KIFC3: variants seen among roughly 807,000 people sequenced by gnomAD.
The protein encoded by KIFC3 is kinesin-like protein KIFC3.
KIFC3 carries 60 observed loss-of-function variants against 101.8 expected under a neutral mutation model. The ratio of observed to expected loss-of-function variants is 0.59; its 90% CI spans 0.48 to 0.73. KIFC3 has a LOEUF of 0.73. KIFC3 is among the 30% of genes least tolerant of loss of function. The probability of loss-of-function intolerance (pLI) is 0.00; values close to 1 mark genes in which losing one functional copy is unlikely to be tolerated. For synonymous variants in KIFC3, 476 were observed against 482.7 expected (o/e 0.99, Z 0.18); for missense variants, 966 against 1,137.1 (o/e 0.85, Z 2.16).
chr16:57,818,032 T>C (rs2055269482), intron 1 of KIFC3, among the ~76,000 whole-genome samples: 2 of 152,012 alleles, frequency 1.3e-5, no homozygotes. Flanking sequence ...TTTTTTTTGT[T>C]CTTTTCTATG....
chr16:57,847,307 AG>A (rs1173543090), intron 1 of KIFC3, among the ~76,000 whole-genome samples: 1 of 12,834 alleles, frequency 7.8e-5, no homozygotes, highest in Non-Finnish European at 1.6e-4. Flanking sequence ...GGAGGGAGGG[AG>A]GGAGGGAGAG....
chr16:57,773,154 T>G (rs2965787), intron 3 of KIFC3, among the ~76,000 whole-genome samples: 146,796 of 152,336 alleles, frequency 0.96, 70,963 homozygotes, highest in African/African-American at 0.99. Context: ...GCATGTTTAG[T>G]ACTTTTCTTG....
At chr16:57,798,352 A>C in intron 1 of KIFC3, 70 bp from the exon 2 acceptor site, 2 of 1,396,030 alleles carry the variant, frequency 1.4e-6, no homozygotes, top group Non-Finnish European at 2.0e-6. Flanking sequence ...GGGCAGAGCC[A>C]GCCATCTGGA....
intron 3 of KIFC3, chr16:57,773,778 G>A (rs1555610248): frequency 1.3e-5 from 2 of 152,204 alleles, no homozygotes; most frequent in African/African-American, 4.8e-5. Flanking sequence ...TACTTTACAT[G>A]GTTGAGATGT....
At chr16:57,785,402 A>G (rs782211223) in intron 3 of KIFC3, 46 of 1,057,270 alleles carry the variant, frequency 4.4e-5, no homozygotes, top group Non-Finnish European at 5.1e-5. Flanking sequence ...TGCCCAGGTG[A>G]TGTCCTCTGA....
chr16:57,851,992 C>T (rs1302807241), intron 1 of KIFC3, among the ~76,000 whole-genome samples: 5 of 152,130 alleles, frequency 3.3e-5, no homozygotes, highest in African/African-American at 1.2e-4. Flanking sequence ...CCTCTCTCCT[C>T]GGCCTCCCAA....
chr16:57,807,875 A>G (rs533970705), upstream of KIFC3: 4 of 145,288 alleles, frequency 2.8e-5, no homozygotes, highest in African/African-American at 1.0e-4. Flanking sequence ...GGCTGCAGTA[A>G]GCTATGATCG....
At chr16:57,812,363 A>AG (rs1555627944) in intron 1 of KIFC3, among the ~76,000 whole-genome samples, 1 of 150,926 alleles carries the variant, frequency 6.6e-6, no homozygotes, top group Non-Finnish European at 1.5e-5. Context: ...AAAAAAAAAA[A>AG]AAAAGAGGTC....
chr16:57,802,152 G>A lies in KIFC3; in HGVS notation c.-40+218C>T, dbSNP rs1366897639. Among the ~76,000 whole-genome samples the A allele has an allele frequency of 2.0e-5, 3 of 152,242 alleles. No individual in the cohort carries two copies. Among genetic ancestry groups the A allele is most frequent in the Admixed American group, 6.5e-5 (1 of 15,292 alleles). On this transcript the variant is annotated intron_variant, in intron 1 of 19. Transcript: ENST00000445690. The surrounding 1 kb of genome is among the most constrained non-coding windows in gnomAD (Gnocchi z 5.0). ...GGATCCCGTGGGACACGCCGCCCCTGTGCCCAGCTCCCAGCAAGGTCCTCG... is the reference window on the plus strand; with the variant it reads ...GGATCCCGTGGGACACGCCGCCCCTATGCCCAGCTCCCAGCAAGGTCCTCG...
intron 1 of KIFC3, among the ~76,000 whole-genome samples, chr16:57,846,022 A>G (rs1254838850): frequency 2.6e-5 from 4 of 152,162 alleles, no homozygotes; most frequent in Non-Finnish European, 4.4e-5. Context: ...GAGGAAATGC[A>G]TTTGACTTCC....
chr16:57,858,461 T>C (rs1402693217), intron 1 of KIFC3, among the ~76,000 whole-genome samples: 2 of 152,174 alleles, frequency 1.3e-5, no homozygotes, highest in Non-Finnish European at 2.9e-5. Flanking sequence ...ATATCCAATA[T>C]AAGGTCCGTG....
intron 1 of KIFC3, among the ~76,000 whole-genome samples, chr16:57,812,149 T>G (rs1407784710): frequency 6.6e-6 from 1 of 150,914 alleles, no homozygotes; most frequent in Non-Finnish European, 1.5e-5. Flanking sequence ...TTCACGCCAT[T>G]CTCCTGCCTC....
chr16:57,802,884 A>T (rs1555626053), upstream of KIFC3: 1 of 1,281,244 alleles, frequency 7.8e-7, no homozygotes, highest in Non-Finnish European at 1.1e-6. The surrounding 1 kb of genome is among the most constrained non-coding windows in gnomAD (Gnocchi z 5.0). Context: ...GCGAGTACTC[A>T]CACATACACT....
At chr16:57,814,679 G>T (rs557826758) in intron 1 of KIFC3, among the ~76,000 whole-genome samples, 1 of 151,842 alleles carries the variant, frequency 6.6e-6, no homozygotes, top group African/African-American at 2.4e-5. Flanking sequence ...AGGCTGGAGT[G>T]CAGTGGTGCG....
At chr16:57,861,363 C>A (rs962109846) in intron 1 of KIFC3, among the ~76,000 whole-genome samples, 5 of 152,200 alleles carry the variant, frequency 3.3e-5, no homozygotes, top group African/African-American at 4.8e-5. Context: ...TGGCTTTACC[C>A]AGCCTTTATT....
chr16:57,774,798 A>T, intron 3 of KIFC3: 1 of 1,089,084 alleles, frequency 9.2e-7, no homozygotes, highest in Non-Finnish European at 1.2e-6. Flanking sequence ...AAGTGCTGGG[A>T]TTACCGTTGT....
chr16:57,770,474 G>T, intron 7 of KIFC3, 53 bp downstream of exon 7: 1 of 1,353,148 alleles, frequency 7.4e-7, no homozygotes, highest in South Asian at 1.8e-5. Flanking sequence ...ATTGGCCCAA[G>T]GGCCTGCCTC....
rs2049751438 is a variant in KIFC3, at chr16:57,760,774, C to T, written c.2184G>A (p.Leu728=). The T allele has an allele frequency of 6.2e-7, 1 of 1,613,878 alleles. No individual in the cohort carries two copies. ...VPFRNSKLTY[L]LQDSLSGDSK... is the part of the protein sequence containing the mutation. Reference sequence around the variant, plus strand: ...TGTCACCACTAAGCGAATCCTGCAGCAGGTAGGTGAGCTTGGAGTTGCGGA... The same window carrying T: ...TGTCACCACTAAGCGAATCCTGCAGTAGGTAGGTGAGCTTGGAGTTGCGGA... Residue 728 remains leucine (L), a synonymous_variant, in exon 16 of 20, where the codon CTG becomes CTA. Coordinates refer to ENST00000445690, the MANE Select transcript of KIFC3 (RefSeq NM_001130100.2).
intron 1 of KIFC3, among the ~76,000 whole-genome samples, chr16:57,815,995 T>C (rs2055213733): frequency 6.6e-6 from 1 of 152,212 alleles, no homozygotes; most frequent in African/African-American, 2.4e-5. Flanking sequence ...GAACTTCACC[T>C]GGGGTGAGGG....
Sources: allele counts gnomAD v4.1 joint callset (sites outside exome capture counted in the v4.1 genomes callset), GRCh38; gene constraint gnomAD v4.1.1; non-coding constraint Gnocchi (gnomAD v3.1); transcripts MANE v1.5; gene names NCBI Gene and HGNC (gene_info 2026-07-23, HGNC 2026-07-21).